The following PCGF5 variants were observed in gnomAD, a reference collection of about 807,000 sequenced individuals.
PCGF5 encodes polycomb group RING finger protein 5.
PCGF5 carries 9 observed loss-of-function variants against 44.3 expected under a neutral mutation model. The ratio of observed to expected loss-of-function variants is 0.20; its 90% CI spans 0.12 to 0.35. The LOEUF (loss-of-function observed/expected upper bound fraction) is 0.35, where lower values mean the gene tolerates loss of function less well. Ranked by LOEUF, PCGF5 falls within the 10% of genes least tolerant of loss-of-function variation. PCGF5 has a pLI of 1.00. For synonymous variants in PCGF5, 95 were observed against 102.5 expected, an observed-to-expected ratio of 0.93 and a Z score of 0.44; for missense variants, 146 against 305.3, an observed-to-expected ratio of 0.48 and a Z score of 3.89.
intron 8 of PCGF5, among the ~76,000 whole-genome samples, chr10:91,270,411 GC>G (rs1237348168): frequency 2.6e-5 from 4 of 151,602 alleles, no homozygotes; most frequent in African/African-American, 9.7e-5. Flanking sequence ...TAGTGAAATT[GC>G]CACTTTCCAG....
At chr10:91,180,552 A>G (rs1300199412) in intron 1 of PCGF5, among the ~76,000 whole-genome samples, 2 of 152,218 alleles carry the variant, frequency 1.3e-5, no homozygotes, top group Non-Finnish European at 1.5e-5. Flanking sequence ...AATCTTCTGC[A>G]TATGGTTAGC....
rs1846403292 is a variant in PCGF5 at position 91,279,685 on chromosome 10, C to T, written c.*1369C>T. The T allele has an allele frequency of 1.3e-5, 2 of 152,060 alleles. No individual in the cohort carries two copies. Among genetic ancestry groups the T allele is most frequent in the South Asian group, 4.1e-4 (2 of 4,834 alleles). 9.4% of individuals were successfully genotyped at this position (152,060 alleles called of 1,614,324 possible). Reference sequence around the variant, plus strand: ...AATTGCTTTGAAACAAACAAGCTAACCTTTGAAACTTAGGAAAAAATCTTG... The same window carrying T: ...AATTGCTTTGAAACAAACAAGCTAATCTTTGAAACTTAGGAAAAAATCTTG... On this transcript the variant is annotated 3_prime_UTR_variant, in exon 10 of 10. Coordinates refer to ENST00000336126, the MANE Select transcript of PCGF5 (RefSeq NM_032373.5).
chr10:91,188,585 T>G (rs1323760284), intron 1 of PCGF5, among the ~76,000 whole-genome samples: 1 of 152,166 alleles, frequency 6.6e-6, no homozygotes, highest in African/African-American at 2.4e-5. Context: ...AAAGTAGACT[T>G]TGATTTTATT....
intron 8 of PCGF5, among the ~76,000 whole-genome samples, chr10:91,267,598 CT>C (rs967985619): frequency 1.1e-4 from 16 of 152,106 alleles, no homozygotes; most frequent in African/African-American, 2.9e-4. Context: ...TCTCAGCTTC[CT>C]TTTTTTCTGT....
At chr10:91,208,383 T>A (rs904865196) in intron 1 of PCGF5, among the ~76,000 whole-genome samples, 7 of 152,150 alleles carry the variant, frequency 4.6e-5, no homozygotes, top group Non-Finnish European at 1.0e-4. Context: ...AAATACCTAA[T>A]CCGGGAGTAA....
At chr10:91,231,348 A>G (rs1844997524) in intron 2 of PCGF5, among the ~76,000 whole-genome samples, 1 of 152,260 alleles carries the variant, frequency 6.6e-6, no homozygotes, top group African/African-American at 2.4e-5. Context: ...AAAAGGGGAA[A>G]GTCAAGCTGA....
chr10:91,238,434 T>C (rs578212824), intron 2 of PCGF5, among the ~76,000 whole-genome samples: 28 of 152,272 alleles, frequency 1.8e-4, no homozygotes, highest in African/African-American at 6.7e-4. Flanking sequence ...AGGTGAGGAC[T>C]TGTTCTGGGC....
At chr10:91,168,116 C>T (rs980117052) in intron 1 of PCGF5, among the ~76,000 whole-genome samples, 1 of 152,144 alleles carries the variant, frequency 6.6e-6, no homozygotes, top group Non-Finnish European at 1.5e-5. Flanking sequence ...TATGGACCAT[C>T]TAGATGGATG....
At chr10:91,178,832 C>A (rs1435762158) in intron 1 of PCGF5, among the ~76,000 whole-genome samples, 1 of 152,066 alleles carries the variant, frequency 6.6e-6, no homozygotes, top group Non-Finnish European at 1.5e-5. Context: ...AGAGCCATTC[C>A]TTTCAATGGC....
chr10:91,175,562 G>A (rs910071037), intron 1 of PCGF5, among the ~76,000 whole-genome samples: 10 of 152,110 alleles, frequency 6.6e-5, no homozygotes, highest in Admixed American at 5.2e-4. Flanking sequence ...CATGGAACTT[G>A]CAGTCAGCTT....
chr10:91,274,666 G>A (rs1428071260), intron 9 of PCGF5, among the ~76,000 whole-genome samples: 1 of 152,178 alleles, frequency 6.6e-6, no homozygotes, highest in Non-Finnish European at 1.5e-5. Context: ...AAATAGAATA[G>A]TTTTAATAAG....
rs192023365 is a variant in PCGF5, at chr10:91,183,968, G to C, written c.-184+20887G>C. On this transcript the variant is annotated intron_variant, in intron 1 of 9. Transcript: ENST00000614189. ...TTGTCTTCCCTTTGAAAGTGACCTGGCCTTTCTTTCTCACTGTCTTTAATA... is the reference window on the plus strand; with the variant it reads ...TTGTCTTCCCTTTGAAAGTGACCTGCCCTTTCTTTCTCACTGTCTTTAATA... Among the ~76,000 whole-genome samples, 8 of 152,092 alleles carry C rather than the reference G, an allele frequency of 5.3e-5. No homozygotes were observed. The East Asian group carries it at 1.5e-3, about 29-fold the overall frequency.
Position 91,174,474 on chromosome 10 carries a change from T to G in PCGF5, c.-184+11393T>G, listed in dbSNP as rs1446676560. 4.6e-5 allele frequency among the ~76,000 whole-genome samples: 7 copies of G among 152,276 alleles called. No homozygotes were observed. In the East Asian group the frequency reaches 1.4e-3, roughly 30 times the overall value. ...GTGAGCTGAAATCACACCATTGTAC[T>G]CCAGCATGGGCAACAGAATGAGACT... On this transcript the variant is annotated intron_variant, in intron 1 of 9. Coordinates refer to the PCGF5 transcript ENST00000614189.
At chr10:91,246,806 T>G (rs1467422361) in intron 3 of PCGF5, among the ~76,000 whole-genome samples, 2 of 152,082 alleles carry the variant, frequency 1.3e-5, no homozygotes, top group African/African-American at 4.8e-5. Flanking sequence ...AGACAATGAC[T>G]GGGCTACTTA....
chr10:91,259,502 G>A (rs181164126), intron 6 of PCGF5, among the ~76,000 whole-genome samples: 44 of 152,190 alleles, frequency 2.9e-4, no homozygotes, highest in African/African-American at 1.0e-3. Context: ...AAAAGAGCCC[G>A]CATTGCCAAG....
intron 5 of PCGF5, 34 bp from the exon 6 acceptor site, chr10:91,251,258 T>A (rs771354205): frequency 1.6e-5 from 24 of 1,544,774 alleles, no homozygotes; most frequent in Non-Finnish European, 1.9e-5. Context: ...CAACTTTGAT[T>A]TATAGCTAAC....
chr10:91,174,998 G>T (rs950779593), intron 1 of PCGF5, among the ~76,000 whole-genome samples: 3 of 152,210 alleles, frequency 2.0e-5, no homozygotes, highest in African/African-American at 7.2e-5. Context: ...ATACCTAAGT[G>T]CCTTTAACTG....
At chr10:91,275,060 T>TA (rs1468290318) in intron 9 of PCGF5, among the ~76,000 whole-genome samples, 2 of 152,038 alleles carry the variant, frequency 1.3e-5, no homozygotes, top group African/African-American at 4.8e-5. Context: ...ACGTTGTACC[T>TA]AAAAAAATTG....
At chr10:91,215,193 T>C (rs769672732), upstream of PCGF5, among the ~76,000 whole-genome samples, 7 of 152,226 alleles carry the variant, frequency 4.6e-5, no homozygotes, top group Non-Finnish European at 5.9e-5. Flanking sequence ...AAAGCATAAA[T>C]GAATACATGT....
Sources: gnomAD v4.1 joint callset for allele counts (sites outside exome capture counted in the v4.1 genomes callset) on GRCh38, gnomAD v4.1.1 for gene constraint, MANE v1.5 for transcripts, NCBI Gene and HGNC (gene_info 2026-07-23, HGNC 2026-07-21) for gene names.